Variants in ENTPD6 observed in about 807,000 individuals in gnomAD.
ENTPD6 encodes the protein CD39 antigen-like 2.
ENTPD6 carries 46 observed loss-of-function variants against 61.5 expected under a neutral mutation model. That is an observed-to-expected ratio of 0.75 (90% CI 0.59 to 0.96). The LOEUF (loss-of-function observed/expected upper bound fraction) is 0.96. Among genes scored for constraint, ENTPD6 ranks in the 40% least tolerant of loss-of-function variants. The pLI, the probability that ENTPD6 is intolerant of heterozygous loss-of-function variation, is 0.00. For missense variants in ENTPD6, 612 were observed against 629.0 expected (o/e 0.97, Z 0.29); for synonymous variants, 252 against 255.5 (o/e 0.99, Z 0.13).
At chr20:25,197,662 G>T (rs1469824940) in intron 1 of ENTPD6, among the ~76,000 whole-genome samples, 1 of 152,220 alleles carries the variant, frequency 6.6e-6, no homozygotes, top group East Asian at 1.9e-4. Context: ...ACATGGAGAT[G>T]ACCTGTTCCT....
Position 25,215,697 on chromosome 20 carries a change from T to C in ENTPD6, c.695T>C (p.Ile232Thr). The C allele has an allele frequency of 6.2e-7, 1 of 1,614,236 alleles. No homozygotes were observed. Among genetic ancestry groups the C allele is most frequent in the Non-Finnish European group, 8.5e-7 (1 of 1,180,036 alleles). The change falls in exon 7 of 15, where the codon ATC becomes ACC. Residue 232 changes from isoleucine (I) to threonine (T), a missense_variant. Coordinates refer to ENST00000376652, the MANE Select transcript of ENTPD6 (RefSeq NM_001247.5). Reference protein sequence around the residue: ...TDEGVSAWITINFLTGSLKTP... With the variant: ...TDEGVSAWITTNFLTGSLKTP... ...GCAGGCGTTTCGGCGTGGATCACCA[T>C]CAACTTCCTGACAGGTGTGTGCACA...
chr20:25,210,946 C>T (rs999899314), intron 4 of ENTPD6, among the ~76,000 whole-genome samples: 4 of 152,094 alleles, frequency 2.6e-5, no homozygotes, highest in Admixed American at 6.5e-5. Flanking sequence ...TGACCCCATC[C>T]AAAAGAAATG....
intron 11 of ENTPD6, 139 bp from the exon 12 acceptor site, chr20:25,222,699 T>A (rs542970004): frequency 1.8e-6 from 2 of 1,127,702 alleles, no homozygotes; most frequent in East Asian, 4.8e-5. Flanking sequence ...CAACTTGGGG[T>A]GGGGTCTTAC....
chr20:25,207,142 G>C lies in ENTPD6; in HGVS notation c.121G>C (p.Ala41Pro). 1.2e-6 allele frequency: 2 copies of C among 1,613,936 alleles called. No individual in the cohort carries two copies. Among genetic ancestry groups the C allele is most frequent in the Non-Finnish European group, 1.7e-6 (2 of 1,179,852 alleles). ...ATCCAACCACGGGAGCCTGCGGGTGGCGAAGGTGGCATACCCCCTGGGGCT... is the reference window on the plus strand; with the variant it reads ...ATCCAACCACGGGAGCCTGCGGGTGCCGAAGGTGGCATACCCCCTGGGGCT... ...KISNHGSLRV[A>P]KVAYPLGLCV... is the part of the protein sequence containing the mutation. Residue 41 changes from alanine (A) to proline (P), a missense_variant, in exon 3 of 15, where the codon GCG becomes CCG. Physicochemically the swap from Ala to Pro is conservative, Grantham distance 27. Transcript: ENST00000376652.
intron 3 of ENTPD6, among the ~76,000 whole-genome samples, chr20:25,209,528 G>A (rs1279211928): frequency 6.6e-6 from 1 of 150,978 alleles, no homozygotes; most frequent in African/African-American, 2.4e-5. Context: ...GACCAGCCTG[G>A]GCAACATAGC....
intron 1 of ENTPD6, 77 bp downstream of exon 1, chr20:25,195,944 GCT>G: frequency 8.7e-7 from 1 of 1,147,860 alleles, no homozygotes; most frequent in Non-Finnish European, 1.1e-6. Context: ...ACGCGGGCGC[GCT>G]GCGCTCCGGA....
chr20:25,213,000 C>T (rs769040995), intron 4 of ENTPD6, among the ~76,000 whole-genome samples: 5 of 152,218 alleles, frequency 3.3e-5, no homozygotes, highest in African/African-American at 4.8e-5. Context: ...CCACCGTGCC[C>T]GGCCAGAAGT....
At chr20:25,210,225 A>G (rs1045699285) in intron 4 of ENTPD6, among the ~76,000 whole-genome samples, 15 of 152,358 alleles carry the variant, frequency 9.8e-5, no homozygotes, top group Admixed American at 1.3e-4. Context: ...AACTTACAAA[A>G]ATCATTATTT....
intron 13 of ENTPD6, 37 bp downstream of exon 13, chr20:25,224,194 G>A: frequency 6.3e-7 from 1 of 1,592,468 alleles, no homozygotes; most frequent in Non-Finnish European, 8.6e-7. Flanking sequence ...AGCAGGGGCA[G>A]GCGCCCCGTG....
Position 25,207,134 on chromosome 20 carries a change from T to C in ENTPD6, c.113T>C (p.Leu38Pro). 1.2e-6 allele frequency: 2 copies of C among 1,613,722 alleles called. No individual in the cohort carries two copies. The highest frequency in any genetic ancestry group is 1.7e-6 in the Non-Finnish European group (2 of 1,179,738). The part of the protein sequence containing the change: ...RMRKISNHGS[L>P]RVAKVAYPLG... ...AGAAAAATATCCAACCACGGGAGCC[T>C]GCGGGTGGCGAAGGTGGCATACCCC... The change falls in exon 3 of 15, where the codon CTG becomes CCG. Residue 38 changes from leucine (L) to proline (P), a missense_variant. Physicochemically the swap from Leu to Pro is moderately conservative, Grantham distance 98. Transcript: ENST00000376652.
chr20:25,213,630 T>C (rs948129847), intron 5 of ENTPD6, among the ~76,000 whole-genome samples: 1 of 152,190 alleles, frequency 6.6e-6, no homozygotes, highest in Admixed American at 6.5e-5. Context: ...CTGTGTTTTA[T>C]AATAAGGAAA....
intron 1 of ENTPD6, among the ~76,000 whole-genome samples, chr20:25,197,963 TC>T (rs2090645165): frequency 1.3e-5 from 2 of 152,192 alleles, no homozygotes; most frequent in South Asian, 4.1e-4. Flanking sequence ...CTCAGACAGT[TC>T]CGTTTACACA....
chr20:25,195,799 A>G lies in ENTPD6; in HGVS notation c.-84A>G. The G allele has an allele frequency of 1.6e-6, 2 of 1,231,240 alleles. No homozygotes were observed. Among genetic ancestry groups the G allele is most frequent in the Non-Finnish European group, 2.0e-6 (2 of 980,468 alleles). The allele number at this position is 1,231,240 out of a possible 1,614,324, so 76.3% of individuals were successfully genotyped here. A position where few individuals can be genotyped will look rare whatever the true frequency, so the allele number is the denominator to read the frequency against. On this transcript the variant is annotated 5_prime_UTR_variant, in exon 1 of 15. Transcript: ENST00000376652. ...CGGCCGGGGCGGGGGAGCCCAAAAG[A>G]CCGGCTGCCGCCTGCTCCCCGGAAA... is the stretch of plus-strand genomic sequence containing the variant.
intron 1 of ENTPD6, among the ~76,000 whole-genome samples, chr20:25,202,551 C>G (rs1238408881): frequency 6.6e-6 from 1 of 152,146 alleles, no homozygotes; most frequent in South Asian, 2.1e-4. Flanking sequence ...ATGCTACAGA[C>G]ATTTCCATTG....
intron 4 of ENTPD6, among the ~76,000 whole-genome samples, chr20:25,211,829 G>C (rs960956921): frequency 6.6e-6 from 1 of 152,028 alleles, no homozygotes; most frequent in Non-Finnish European, 1.5e-5. Context: ...TTTTCCCCGA[G>C]ATGAGGTCTC....
At chr20:25,206,243 T>G (rs979935245) in intron 1 of ENTPD6, among the ~76,000 whole-genome samples, 11 of 152,070 alleles carry the variant, frequency 7.2e-5, no homozygotes, top group African/African-American at 2.7e-4. Flanking sequence ...CCCCTAGGAG[T>G]GGCCACTCAC....
intron 1 of ENTPD6, among the ~76,000 whole-genome samples, chr20:25,196,588 G>A (rs558939439): frequency 1.1e-4 from 17 of 152,310 alleles, no homozygotes; most frequent in African/African-American, 3.4e-4. Flanking sequence ...GGGCAGCTCT[G>A]GGTGTCCCTC....
At position 25,227,992 on chromosome 20, in the gene ENTPD6, C is replaced by A. The variant is rs1421967990; in HGVS notation, c.*2395C>A. ...TTTCCGTGAAACATCTGTTCATATC[C>A]CTTGCCGATTTTCTATAAGATTGTC... On this transcript the variant is annotated 3_prime_UTR_variant, in exon 15 of 15. Transcript: ENST00000376652. Among the ~76,000 whole-genome samples the A allele has an allele frequency of 6.6e-6, 1 of 152,100 alleles. No individual in the cohort carries two copies. The highest frequency in any genetic ancestry group is 1.5e-5 in the Non-Finnish European group (1 of 68,030).
chr20:25,207,057 T>A lies in ENTPD6; in HGVS notation c.55-19T>A. 6.3e-7 allele frequency: 1 copy of A among 1,584,384 alleles called. No homozygotes were observed. Among genetic ancestry groups the A allele is most frequent in the South Asian group, 1.1e-5 (1 of 88,080 alleles). On this transcript the variant is annotated intron_variant, in intron 2 of 14. Coordinates refer to ENST00000376652, the MANE Select transcript of ENTPD6 (RefSeq NM_001247.5). ...AGCACCCTAACGTGCTTTTCCTGCCTCTCCCCCCTTCCCACCAGCAGCCGC... is the reference window on the plus strand; with the variant it reads ...AGCACCCTAACGTGCTTTTCCTGCCACTCCCCCCTTCCCACCAGCAGCCGC...
Sources: allele counts gnomAD v4.1 joint callset (sites outside exome capture counted in the v4.1 genomes callset), GRCh38; gene constraint gnomAD v4.1.1; transcripts MANE v1.5; gene names NCBI Gene and HGNC (gene_info 2026-07-23, HGNC 2026-07-21).